Variants in UNC45B observed in about 807,000 individuals in gnomAD.
UNC45B encodes the protein unc-45 myosin chaperone B, also known as protein unc-45 homolog B.
UNC45B carries 78 observed loss-of-function variants against 98.7 expected under a neutral mutation model. The observed-to-expected ratio is 0.79, with a 90% confidence interval of 0.66 to 0.95. The LOEUF is 0.95. Among genes scored for constraint, UNC45B ranks in the 40% least tolerant of loss-of-function variants. UNC45B has a pLI of 0.00. For synonymous variants in UNC45B, 462 were observed against 480.4 expected (o/e 0.96, Z 0.50); for missense variants, 1,225 against 1,184.9 (o/e 1.03, Z -0.50).
chr17:35,176,184 T>C (rs2092232286), intron 15 of UNC45B, 150 bp downstream of exon 15: 1 of 722,234 alleles, frequency 1.4e-6, no homozygotes, highest in Admixed American at 2.2e-5. Context: ...AGCCAATTTC[T>C]GCTTGACTTT....
chr17:35,159,967 C>T (rs2092091205), intron 8 of UNC45B, among the ~76,000 whole-genome samples: 1 of 152,184 alleles, frequency 6.6e-6, no homozygotes, highest in South Asian at 2.1e-4. Context: ...AGGTCTCAAT[C>T]AATTTAGAAG....
At chr17:35,152,678 C>G (rs993216177) in intron 4 of UNC45B, among the ~76,000 whole-genome samples, 8 of 152,150 alleles carry the variant, frequency 5.3e-5, no homozygotes, top group African/African-American at 1.7e-4. Context: ...AGATGGTGAG[C>G]CTTCAGGGGC....
chr17:35,149,377 G>T (rs567147581), intron 3 of UNC45B, among the ~76,000 whole-genome samples: 1 of 152,176 alleles, frequency 6.6e-6, no homozygotes, highest in East Asian at 1.9e-4. Flanking sequence ...GCTGTCTTTT[G>T]TTGTTGTTGT....
chr17:35,180,575 G>A lies in UNC45B; in HGVS notation c.2272G>A (p.Glu758Lys). 6.2e-7 allele frequency: 1 copy of A among 1,613,960 alleles called. No individual in the cohort carries two copies. The highest frequency in any genetic ancestry group is 8.5e-7 in the Non-Finnish European group (1 of 1,179,920). ...SDKLRQKIFK[E>K]RALPDIENYM... ...CTACCCTAGGCAGAAGATCTTTAAG[G>A]AGAGGGCCTTGCCAGACATCGAGAA... The change falls in exon 18 of 20, where the codon GAG becomes AAG. Residue 758 changes from glutamate (E) to lysine (K), a missense_variant. Physicochemically the swap from Glu to Lys is moderately conservative, Grantham distance 56. Coordinates refer to ENST00000394570, the MANE Select transcript of UNC45B (RefSeq NM_001267052.2).
In UNC45B at chr17:35,174,315, T is replaced by C. The variant is rs752290131; in HGVS notation, c.1904T>C (p.Met635Thr). The change falls in exon 14 of 20, where the codon ATG becomes ACG. Residue 635 changes from methionine to threonine, a missense_variant. By Grantham distance (81) the Met-to-Thr change is moderately conservative. Coordinates refer to ENST00000394570, the MANE Select transcript of UNC45B (RefSeq NM_001267052.2). ...KAGVISALAC[M>T]VKADSAILTD... ...GGTGTCATCTCTGCCCTGGCTTGCA[T>C]GGTGAAAGCAGATAGTGCCATCCTC... 2 of 1,613,998 alleles carry C rather than the reference T, an allele frequency of 1.2e-6. No individual in the cohort carries two copies. Among genetic ancestry groups the C allele is most frequent in the African/African-American group, 1.3e-5 (1 of 74,912 alleles).
intron 3 of UNC45B, among the ~76,000 whole-genome samples, chr17:35,149,509 C>T (rs1299094661): frequency 1.3e-5 from 2 of 152,134 alleles, no homozygotes; most frequent in Non-Finnish European, 2.9e-5. Context: ...CTCTGCCTCC[C>T]GGATTCAAGC....
intron 4 of UNC45B, 123 bp from the exon 5 acceptor site, chr17:35,152,770 T>C: frequency 2.6e-6 from 2 of 769,452 alleles, no homozygotes; most frequent in South Asian, 2.7e-5. Context: ...AATGAATACA[T>C]GAATGAACGT....
In UNC45B at chr17:35,154,565, C is replaced by G. The variant is rs1210332322; in HGVS notation, c.472-9C>G. 2.5e-6 allele frequency: 4 copies of G among 1,611,668 alleles called. No homozygotes were observed. The African/African-American group carries it at 5.3e-5, about 22-fold the overall frequency. On this transcript the variant is annotated splice_polypyrimidine_tract_variant and intron_variant, in intron 5 of 19. Coordinates refer to ENST00000394570, the MANE Select transcript of UNC45B (RefSeq NM_001267052.2). ...CCCTCGTAACCCTTATTGCCTCTTCCTCCTTCAGGCTGCCAACAATCTCAT... is the reference window on the plus strand; with the variant it reads ...CCCTCGTAACCCTTATTGCCTCTTCGTCCTTCAGGCTGCCAACAATCTCAT...
At chr17:35,185,464 T>C (rs1049206680) in intron 19 of UNC45B, among the ~76,000 whole-genome samples, 4 of 151,912 alleles carry the variant, frequency 2.6e-5, no homozygotes, top group African/African-American at 9.7e-5. Context: ...TGCACCACCA[T>C]GCCTGGCTAA....
intron 15 of UNC45B, 133 bp downstream of exon 15, chr17:35,176,167 A>G (rs1249528510): frequency 2.5e-6 from 2 of 805,194 alleles, no homozygotes; most frequent in Admixed American, 2.1e-5. Flanking sequence ...CTGTGCTCAT[A>G]GCCCCAAGCC....
chr17:35,155,131 T>C (rs1388269457), intron 6 of UNC45B, among the ~76,000 whole-genome samples, 165 bp from the exon 7 acceptor site: 1 of 152,204 alleles, frequency 6.6e-6, no homozygotes, highest in Non-Finnish European at 1.5e-5. Flanking sequence ...TGGCTTGTTG[T>C]CAAGAGGTTT....
chr17:35,186,496 T>G lies in UNC45B; in HGVS notation c.2727T>G (p.Val909=). ...CAGATGAGAAGAAGGCAGAAGTGGT[T>G]CAGACAGCCCGAGAATGTCTCATCA... ...QEPDEKKAEV[V]QTARECLIKC... The change falls in exon 20 of 20, where the codon GTT becomes GTG. Residue 909 remains valine (V), a synonymous_variant. Transcript: ENST00000394570. 6.2e-7 allele frequency: 1 copy of G among 1,614,212 alleles called. No individual in the cohort carries two copies. The highest frequency in any genetic ancestry group is 8.5e-7 in the Non-Finnish European group (1 of 1,180,028).
intron 17 of UNC45B, among the ~76,000 whole-genome samples, chr17:35,179,746 T>G: frequency 6.6e-6 from 1 of 150,738 alleles, no homozygotes; most frequent in Non-Finnish European, 1.5e-5. Context: ...CACCGGGGCC[T>G]GTTGGGGGTG....
At chr17:35,166,017 G>A (rs563774613) in intron 9 of UNC45B, among the ~76,000 whole-genome samples, 11 of 147,668 alleles carry the variant, frequency 7.4e-5, no homozygotes, top group Non-Finnish European at 1.2e-4. Flanking sequence ...TTGGGAGGCC[G>A]ATGTGGGAGA....
chr17:35,180,736 G>C (rs1007421946), intron 18 of UNC45B, 60 bp downstream of exon 18: 38 of 1,372,886 alleles, frequency 2.8e-5, no homozygotes, highest in Non-Finnish European at 3.8e-5. Context: ...GGCAGGCCAG[G>C]GTCAGGGCCT....
rs777907471 is a variant in UNC45B, at chr17:35,180,593, A to G, written c.2290A>G (p.Ile764Val). 2 of 1,614,092 alleles carry G rather than the reference A, an allele frequency of 1.2e-6. No individual in the cohort carries two copies. Among genetic ancestry groups the G allele is most frequent in the Admixed American group, 1.7e-5 (1 of 60,022 alleles). Reference sequence around the variant, plus strand: ...CTTTAAGGAGAGGGCCTTGCCAGACATCGAGAACTACATGTTTGAGAATCA... The same window carrying G: ...CTTTAAGGAGAGGGCCTTGCCAGACGTCGAGAACTACATGTTTGAGAATCA... The part of the protein sequence containing the change: ...KIFKERALPD[I>V]ENYMFENHDQ... Residue 764 changes from isoleucine to valine, a missense_variant, in exon 18 of 20, where the codon ATC (isoleucine) becomes GTC (valine). By Grantham distance (29) the Ile-to-Val change is conservative. Transcript: ENST00000394570.
At position 35,170,728 on chromosome 17, in the gene UNC45B, C is replaced by T. The variant is rs149709786; in HGVS notation, c.1689+473C>T. 2.5e-3 allele frequency among the ~76,000 whole-genome samples: 381 copies of T among 152,036 alleles called. 1 individual carries two copies. The highest frequency in any genetic ancestry group is 4.9e-3 in the Non-Finnish European group (333 of 67,992). On this transcript the variant is annotated intron_variant, in intron 12 of 19. Transcript: ENST00000394570. Reference sequence around the variant, plus strand: ...GCACATACCTGTAATCCCAGCTACTCGGGAGGCTGAGGTGGGAGGATTGCT... The same window carrying T: ...GCACATACCTGTAATCCCAGCTACTTGGGAGGCTGAGGTGGGAGGATTGCT...
intron 15 of UNC45B, 103 bp downstream of exon 15, chr17:35,176,137 C>T: frequency 8.7e-7 from 1 of 1,152,790 alleles, no homozygotes; most frequent in South Asian, 1.3e-5. Flanking sequence ...TGGAATACGG[C>T]CACCAGTTAT....
In UNC45B at chr17:35,163,929, AGT is replaced by A; in HGVS notation, c.980-64_980-63del. 2.0e-6 allele frequency: 3 copies of A among 1,475,792 alleles called. No homozygotes were observed. The South Asian group carries it at 4.1e-5, about 20-fold the overall frequency. 91.4% of individuals were successfully genotyped at this position (1,475,792 alleles called of 1,614,324 possible). A position where few individuals can be genotyped will look rare whatever the true frequency, so the allele number is the denominator to read the frequency against. ...AGAAGCTGATGATAACAAGTCACTG[AGT>A]GAGGGGTGTGTGTGAGGATGGAGCC... On this transcript the variant is annotated intron_variant, in intron 8 of 19. Coordinates refer to ENST00000394570, the MANE Select transcript of UNC45B (RefSeq NM_001267052.2).
Sources: allele counts gnomAD v4.1 joint callset (sites outside exome capture counted in the v4.1 genomes callset), GRCh38; gene constraint gnomAD v4.1.1; transcripts MANE v1.5; gene names NCBI Gene and HGNC (gene_info 2026-07-23, HGNC 2026-07-21).